The following ZDHHC15 variants were observed in gnomAD, a reference collection of about 807,000 sequenced individuals.
ZDHHC15 encodes the protein palmitoyltransferase ZDHHC15.
ZDHHC15 carries 19 observed loss-of-function variants against 31.7 expected under a neutral mutation model. That is an observed-to-expected ratio of 0.60 (90% confidence interval 0.42 to 0.88). The LOEUF (loss-of-function observed/expected upper bound fraction) is 0.88. Among genes scored for constraint, ZDHHC15 ranks in the 40% least tolerant of loss-of-function variants. ZDHHC15 has a pLI of 0.00. For missense variants in ZDHHC15, 209 were observed against 251.2 expected, an observed-to-expected ratio of 0.83 and a Z score of 1.14; for synonymous variants, 103 against 90.0, an observed-to-expected ratio of 1.14 and a Z score of -0.82.
intron 7 of ZDHHC15, among the ~76,000 whole-genome samples, chrX:75,425,082 G>T (rs749721926): frequency 6.3e-5 from 7 of 110,539 alleles, no homozygotes; most frequent in Non-Finnish European, 7.6e-5. Flanking sequence ...GGCCATAATT[G>T]GTATGCAACC....
chrX:75,508,524 C>A (rs1186527735), intron 1 of ZDHHC15, among the ~76,000 whole-genome samples: 1 of 109,380 alleles, frequency 9.1e-6, no homozygotes, highest in Non-Finnish European at 1.9e-5. Context: ...ATATGTGCCA[C>A]ATTTTCTTAA....
At chrX:75,391,849 T>C in intron 10 of ZDHHC15, among the ~76,000 whole-genome samples, 1 of 112,078 alleles carries the variant, frequency 8.9e-6, no homozygotes, top group Non-Finnish European at 1.9e-5. Flanking sequence ...AAACTACTCA[T>C]ATCTTGAGTA....
chrX:75,412,593 G>A (rs1055838845), intron 10 of ZDHHC15, among the ~76,000 whole-genome samples: 5 of 110,551 alleles, frequency 4.5e-5, no homozygotes, highest in Admixed American at 9.6e-5. Flanking sequence ...CACCACGCCC[G>A]GCTAATTTTT....
chrX:75,454,287 G>T (rs2084177672), intron 3 of ZDHHC15, among the ~76,000 whole-genome samples: 1 of 111,606 alleles, frequency 9.0e-6, no homozygotes, highest in Non-Finnish European at 1.9e-5. Flanking sequence ...ATTCACAATT[G>T]CTACAAAGAG....
At chrX:75,478,806 A>C in intron 3 of ZDHHC15, 85 bp downstream of exon 3, 1 of 688,716 alleles carries the variant, frequency 1.5e-6, no homozygotes, top group Non-Finnish European at 2.2e-6. Flanking sequence ...CGTATTATTT[A>C]CTCCTCTTTT....
chrX:75,468,116 G>A (rs952868188), intron 3 of ZDHHC15, among the ~76,000 whole-genome samples: 1 of 106,919 alleles, frequency 9.4e-6, no homozygotes, highest in African/African-American at 3.4e-5. Context: ...CACAATCTCG[G>A]GTCACCACAA....
intron 10 of ZDHHC15, among the ~76,000 whole-genome samples, chrX:75,401,962 T>A (rs2083363286): frequency 8.9e-6 from 1 of 112,388 alleles, no homozygotes; most frequent in Non-Finnish European, 1.9e-5. Context: ...ACATGGCACA[T>A]ACTCTAAAAT....
At chrX:75,468,922 T>C (rs779195660) in intron 3 of ZDHHC15, among the ~76,000 whole-genome samples, 3 of 112,181 alleles carry the variant, frequency 2.7e-5, no homozygotes, top group South Asian at 7.3e-4. Flanking sequence ...TGTTTTCTTG[T>C]TGTTTATTTG....
At chrX:75,522,469 G>A (rs1193694294) in intron 1 of ZDHHC15, among the ~76,000 whole-genome samples, 1 of 111,515 alleles carries the variant, frequency 9.0e-6, no homozygotes, top group Non-Finnish European at 1.9e-5. Context: ...GGAAAATGGT[G>A]GGGCTCCTAG....
At chrX:75,472,277 G>A (rs1026327486) in intron 3 of ZDHHC15, among the ~76,000 whole-genome samples, 3 of 111,488 alleles carry the variant, frequency 2.7e-5, no homozygotes, top group African/African-American at 3.3e-5. Flanking sequence ...GGTTCTACAC[G>A]AAATGCAGGC....
chrX:75,457,104 T>TA (rs1192981298), intron 3 of ZDHHC15, among the ~76,000 whole-genome samples: 1 of 112,015 alleles, frequency 8.9e-6, no homozygotes, highest in Non-Finnish European at 1.9e-5. Flanking sequence ...AGAAAAAATC[T>TA]AAAAAATATT....
intron 1 of ZDHHC15, among the ~76,000 whole-genome samples, chrX:75,519,944 G>T (rs752258763): frequency 1.0e-3 from 113 of 111,876 alleles, no homozygotes; most frequent in Non-Finnish European, 1.8e-3. Flanking sequence ...CACTGTGCAG[G>T]CCAGGCAAAA....
intron 4 of ZDHHC15, among the ~76,000 whole-genome samples, chrX:75,442,512 G>C (rs1165497517): frequency 9.0e-6 from 1 of 111,456 alleles, no homozygotes; most frequent in Non-Finnish European, 1.9e-5. Flanking sequence ...ACCAATAACA[G>C]ACAGAGAGCC....
At chrX:75,382,191 C>T (rs770367302) in intron 10 of ZDHHC15, among the ~76,000 whole-genome samples, 4 of 112,193 alleles carry the variant, frequency 3.6e-5, no homozygotes, top group African/African-American at 1.3e-4. Flanking sequence ...CATTTATTTA[C>T]CTCTATGTCC....
intron 10 of ZDHHC15, among the ~76,000 whole-genome samples, chrX:75,382,894 C>T (rs775382216): frequency 9.0e-6 from 1 of 111,615 alleles, no homozygotes; most frequent in African/African-American, 3.3e-5. Flanking sequence ...TAAACAGGTC[C>T]AGAGAGAAGA....
Position 75,518,032 on chromosome X carries a change from AAC to A in ZDHHC15, c.136+4855_136+4856del, listed in dbSNP as rs1253954990. Among the ~76,000 whole-genome samples, 4 of 111,042 alleles carry A rather than the reference AAC, an allele frequency of 3.6e-5. No individual in the cohort carries two copies. In the East Asian group the frequency reaches 1.1e-3, roughly 31 times the overall value. ...AAAAACCAAAACCAACCAACCAACC[AAC>A]CAAACAAAAAAATCCCACAGGGGTA... On this transcript the variant is annotated intron_variant, in intron 1 of 11. Coordinates refer to ENST00000373367, the MANE Select transcript of ZDHHC15 (RefSeq NM_144969.3).
chrX:75,377,041 A>C (rs1485014069), intron 11 of ZDHHC15, among the ~76,000 whole-genome samples: 6 of 111,539 alleles, frequency 5.4e-5, no homozygotes, highest in African/African-American at 2.0e-4. Context: ...ATAATGTATT[A>C]ATGCATTCTT....
At chrX:75,452,940 T>C (rs2084149001) in intron 3 of ZDHHC15, among the ~76,000 whole-genome samples, 3 of 111,656 alleles carry the variant, frequency 2.7e-5, no homozygotes, top group Admixed American at 9.5e-5. Flanking sequence ...AGGAAAGATC[T>C]AAAATCAACA....
Position 75,491,101 on chromosome X carries a change from T to C in ZDHHC15, c.164-12116A>G, listed in dbSNP as rs558447251. Reference sequence around the variant, plus strand: ...CAGGGATCTAGAACTAGAAATACCATTGGACCCAGCCATCCCATTACTGGG... The same window carrying C: ...CAGGGATCTAGAACTAGAAATACCACTGGACCCAGCCATCCCATTACTGGG... On this transcript the variant is annotated intron_variant, in intron 2 of 11. Coordinates refer to ENST00000373367, the MANE Select transcript of ZDHHC15 (RefSeq NM_144969.3). Among the ~76,000 whole-genome samples the C allele has an allele frequency of 9.0e-5, 10 of 111,360 alleles. No individual in the cohort carries two copies. The South Asian group carries it at 1.9e-3, about 21-fold the overall frequency.
Sources: gnomAD v4.1 joint callset for allele counts (sites outside exome capture counted in the v4.1 genomes callset) on GRCh38, gnomAD v4.1.1 for gene constraint, MANE v1.5 for transcripts, NCBI Gene and HGNC (gene_info 2026-07-23, HGNC 2026-07-21) for gene names.